The following CAMKMT variants were observed in gnomAD, a reference collection of about 807,000 sequenced individuals.
The protein encoded by CAMKMT is CaM KMT.
CAMKMT carries 53 observed loss-of-function variants against 48.0 expected under a neutral mutation model. The observed-to-expected ratio is 1.10, with a 90% CI of 0.89 to 1.39. The LOEUF is 1.39. CAMKMT is among the 40% of genes most tolerant of loss of function. The pLI is 0.00. For missense variants in CAMKMT, 428 were observed against 402.7 expected (o/e 1.06, Z -0.54); for synonymous variants, 165 against 152.3 (o/e 1.08, Z -0.61).
rs148392770 is a variant in CAMKMT, at chr2:44,739,639, C to A, written c.624-3983C>A. 3.9e-5 allele frequency among the ~76,000 whole-genome samples: 6 copies of A among 152,168 alleles called. No homozygotes were observed. The East Asian group carries it at 1.2e-3, about 29-fold the overall frequency. On this transcript the variant is annotated intron_variant, in intron 7 of 10. Transcript: ENST00000378494. ...AAGTAAGATAAAGACTAAGAACTGACCTAAATTTAGCAATGTGGAGATCTT... is the reference window on the plus strand; with the variant it reads ...AAGTAAGATAAAGACTAAGAACTGAACTAAATTTAGCAATGTGGAGATCTT...
chr2:44,724,427 G>T (rs190169836), intron 7 of CAMKMT, among the ~76,000 whole-genome samples: 56 of 152,300 alleles, frequency 3.7e-4, no homozygotes, highest in African/African-American at 1.3e-3. Flanking sequence ...CATAAACCTT[G>T]CTGAAGCAAA....
At chr2:44,396,008 T>C (rs1681804045) in intron 3 of CAMKMT, among the ~76,000 whole-genome samples, 1 of 152,064 alleles carries the variant, frequency 6.6e-6, no homozygotes, top group Non-Finnish European at 1.5e-5. Flanking sequence ...GAAGATACAA[T>C]TTTAGTAAGA....
intron 7 of CAMKMT, among the ~76,000 whole-genome samples, chr2:44,740,272 G>A (rs976204639): frequency 1.3e-5 from 2 of 151,900 alleles, no homozygotes; most frequent in African/African-American, 4.8e-5. Flanking sequence ...GAGACCACAG[G>A]TGTGTGCCAC....
intron 3 of CAMKMT, among the ~76,000 whole-genome samples, chr2:44,560,738 T>C (rs977244242): frequency 1.3e-5 from 2 of 152,232 alleles, no homozygotes; most frequent in African/African-American, 4.8e-5. Flanking sequence ...GAACAAAGCC[T>C]ACCTATGCCC....
chr2:44,403,649 G>A (rs1682583918), intron 3 of CAMKMT, among the ~76,000 whole-genome samples: 1 of 152,072 alleles, frequency 6.6e-6, no homozygotes, highest in Admixed American at 6.6e-5. Context: ...CAGGAAGAGA[G>A]GGAAGCTAAT....
intron 3 of CAMKMT, among the ~76,000 whole-genome samples, chr2:44,510,774 C>T (rs1670501836): frequency 6.6e-6 from 1 of 152,052 alleles, no homozygotes; most frequent in African/African-American, 2.4e-5. Context: ...ATACACTGTA[C>T]CCAGTATGTA....
chr2:44,754,657 A>C (rs1031776730), intron 9 of CAMKMT, among the ~76,000 whole-genome samples: 8 of 152,222 alleles, frequency 5.3e-5, no homozygotes, highest in African/African-American at 1.9e-4. Context: ...GTCACAATGA[A>C]GCCAAGCATG....
At chr2:44,480,092 A>G (rs1358922136) in intron 3 of CAMKMT, among the ~76,000 whole-genome samples, 1 of 152,196 alleles carries the variant, frequency 6.6e-6, no homozygotes, top group Non-Finnish European at 1.5e-5. Context: ...TGGTTTTAAC[A>G]TTGCCATTCA....
At chr2:44,619,088 A>T (rs747793931) in intron 3 of CAMKMT, among the ~76,000 whole-genome samples, 2 of 152,204 alleles carry the variant, frequency 1.3e-5, no homozygotes, top group Admixed American at 1.3e-4. Flanking sequence ...AAACAGAAGG[A>T]TGGAAACATA....
chr2:44,419,452 T>A (rs1683780210), intron 3 of CAMKMT, among the ~76,000 whole-genome samples: 1 of 152,112 alleles, frequency 6.6e-6, no homozygotes, highest in South Asian at 2.1e-4. Flanking sequence ...TATTCCCCCA[T>A]CTGGAAGAGG....
intron 3 of CAMKMT, among the ~76,000 whole-genome samples, chr2:44,703,734 C>T (rs562510776): frequency 1.4e-5 from 2 of 146,238 alleles, no homozygotes; most frequent in South Asian, 2.2e-4. Context: ...GCTGAGATCT[C>T]GCCACTGCAC....
At chr2:44,383,617 A>G (rs1239445010) in intron 2 of CAMKMT, among the ~76,000 whole-genome samples, 1 of 151,978 alleles carries the variant, frequency 6.6e-6, no homozygotes, top group Non-Finnish European at 1.5e-5. Context: ...ATATTTGTTT[A>G]TCCCTTGTAC....
At chr2:44,520,834 T>C (rs1671068104) in intron 3 of CAMKMT, among the ~76,000 whole-genome samples, 3 of 152,066 alleles carry the variant, frequency 2.0e-5, no homozygotes, top group Admixed American at 6.5e-5. Flanking sequence ...GTGAGTCTTA[T>C]GAGATCTGAT....
chr2:44,485,090 A>G (rs1268080563), intron 3 of CAMKMT, among the ~76,000 whole-genome samples: 1 of 152,226 alleles, frequency 6.6e-6, no homozygotes, highest in South Asian at 2.1e-4. Context: ...ACGTTGAGCA[A>G]TTGAAACTCA....
chr2:44,600,736 G>A (rs540467761), intron 3 of CAMKMT, among the ~76,000 whole-genome samples: 2 of 152,214 alleles, frequency 1.3e-5, no homozygotes, highest in East Asian at 3.9e-4. Flanking sequence ...AAATTGGTTT[G>A]TTATTCCTAT....
intron 3 of CAMKMT, among the ~76,000 whole-genome samples, chr2:44,663,319 A>G (rs757799122): frequency 6.6e-6 from 1 of 152,208 alleles, no homozygotes; most frequent in Non-Finnish European, 1.5e-5. Flanking sequence ...TTATCCTTCA[A>G]AAATTGGATA....
intron 3 of CAMKMT, among the ~76,000 whole-genome samples, chr2:44,444,739 C>A (rs1666877398): frequency 6.6e-6 from 1 of 152,094 alleles, no homozygotes; most frequent in Admixed American, 6.6e-5. Flanking sequence ...TGCCCATCAC[C>A]CAGAGGTTTC....
intron 7 of CAMKMT, among the ~76,000 whole-genome samples, chr2:44,730,975 A>G (rs1028931431): frequency 6.6e-6 from 1 of 152,228 alleles, no homozygotes; most frequent in Admixed American, 6.5e-5. Context: ...TTTAGCAAGC[A>G]TGATCAAGAA....
At chr2:44,584,656 T>C (rs1478635880) in intron 3 of CAMKMT, among the ~76,000 whole-genome samples, 1 of 152,128 alleles carries the variant, frequency 6.6e-6, no homozygotes, top group Non-Finnish European at 1.5e-5. Flanking sequence ...ACATAAAGCA[T>C]GGTATTCAGT....
Sources: gnomAD v4.1 joint callset for allele counts (sites outside exome capture counted in the v4.1 genomes callset) on GRCh38, gnomAD v4.1.1 for gene constraint, MANE v1.5 for transcripts, NCBI Gene and HGNC (gene_info 2026-07-23, HGNC 2026-07-21) for gene names.